The following SPAG16 variants were observed in gnomAD, a reference collection of about 807,000 sequenced individuals.
SPAG16 encodes sperm-associated antigen 16 protein.
A neutral mutation model predicts 80.4 loss-of-function variants in SPAG16; 86 were observed. The ratio of observed to expected loss-of-function variants is 1.07; its 90% CI spans 0.90 to 1.28. The LOEUF is 1.28. Ranked by LOEUF, SPAG16 falls within the 50% of genes most tolerant of loss-of-function variation. The probability of loss-of-function intolerance (pLI) is 0.00; values close to 1 mark genes in which losing one functional copy is unlikely to be tolerated. For synonymous variants in SPAG16, 294 were observed against 265.9 expected (o/e 1.11, Z -1.03); for missense variants, 870 against 765.3 (o/e 1.14, Z -1.61).
chr2:214,154,332 G>A (rs533242676), intron 15 of SPAG16, among the ~76,000 whole-genome samples: 134 of 152,234 alleles, frequency 8.8e-4, no homozygotes, highest in Non-Finnish European at 1.5e-3. Context: ...AAATGCAGAA[G>A]CTGAAGTTTG....
chr2:213,751,178 G>A (rs2068061565), intron 10 of SPAG16, among the ~76,000 whole-genome samples: 1 of 151,164 alleles, frequency 6.6e-6, no homozygotes, highest in Admixed American at 6.6e-5. Context: ...TATGGTAAAT[G>A]TTATAAATTT....
intron 10 of SPAG16, among the ~76,000 whole-genome samples, chr2:213,850,935 C>T (rs2105908182): frequency 6.6e-6 from 1 of 151,946 alleles, no homozygotes; most frequent in African/African-American, 2.4e-5. Flanking sequence ...TTTCAAGGAA[C>T]ATTCTTATTA....
At chr2:214,198,159 T>C (rs1471662805) in intron 15 of SPAG16, among the ~76,000 whole-genome samples, 3 of 152,000 alleles carry the variant, frequency 2.0e-5, no homozygotes, top group African/African-American at 4.8e-5. Context: ...AAGTTCTTCC[T>C]AGTGATGATT....
chr2:213,623,105 C>T (rs1262413086), intron 10 of SPAG16, among the ~76,000 whole-genome samples: 5 of 151,754 alleles, frequency 3.3e-5, no homozygotes, highest in African/African-American at 7.3e-5. Flanking sequence ...TCTTTGTATC[C>T]TCTGATTGAT....
At chr2:213,846,301 TATATATAATGTAGTATA>T (rs2074623078) in intron 10 of SPAG16, among the ~76,000 whole-genome samples, 1 of 151,988 alleles carries the variant, frequency 6.6e-6, no homozygotes, top group Non-Finnish European at 1.5e-5. Context: ...AAGTATAAAT[TATATATAATGTAGTATA>T]TTATATACAT....
At chr2:213,688,623 C>T (rs765006504) in intron 10 of SPAG16, among the ~76,000 whole-genome samples, 50 of 152,254 alleles carry the variant, frequency 3.3e-4, no homozygotes, top group Non-Finnish European at 6.2e-4. Context: ...CATGACTCCC[C>T]AGATCCCTTA....
At chr2:214,379,024 G>A (rs549688288) in intron 15 of SPAG16, among the ~76,000 whole-genome samples, 11 of 152,258 alleles carry the variant, frequency 7.2e-5, no homozygotes, top group African/African-American at 1.7e-4. Context: ...TCATACCACC[G>A]TCTGGCTTAC....
chr2:214,149,616 GAGA>G (rs2055876186), intron 15 of SPAG16, among the ~76,000 whole-genome samples: 2 of 151,974 alleles, frequency 1.3e-5, no homozygotes, highest in Non-Finnish European at 2.9e-5. Context: ...GCTAACAGTA[GAGA>G]AGAACAAAAG....
At chr2:214,331,431 G>A (rs935951242) in intron 15 of SPAG16, among the ~76,000 whole-genome samples, 6 of 152,124 alleles carry the variant, frequency 3.9e-5, no homozygotes, top group Non-Finnish European at 8.8e-5. Flanking sequence ...AACTCTTACT[G>A]TGTACCCAGT....
chr2:213,292,595 C>T (rs1463762760), intron 1 of SPAG16, among the ~76,000 whole-genome samples: 10 of 144,554 alleles, frequency 6.9e-5, no homozygotes, highest in East Asian at 6.0e-4. Context: ...ACCCGGGAGG[C>T]GGAGCTTGCA....
chr2:213,797,036 CA>C (rs2071084358), intron 10 of SPAG16, among the ~76,000 whole-genome samples: 2 of 111,918 alleles, frequency 1.8e-5, no homozygotes, highest in African/African-American at 2.8e-5. Context: ...AAGTTTTTAA[CA>C]AAAAAATTAA....
At chr2:213,635,239 G>GCTA (rs2062317047) in intron 10 of SPAG16, among the ~76,000 whole-genome samples, 2 of 151,904 alleles carry the variant, frequency 1.3e-5, no homozygotes, top group Non-Finnish European at 2.9e-5. Context: ...GTTTCACCAT[G>GCTA]CTAGCCAGGA....
intron 9 of SPAG16, among the ~76,000 whole-genome samples, chr2:213,482,998 C>T (rs2073825259): frequency 6.6e-6 from 1 of 151,940 alleles, no homozygotes; most frequent in Non-Finnish European, 1.5e-5. Flanking sequence ...AAGTAAAAAG[C>T]ATATGAAGTT....
At chr2:214,145,797 T>C (rs529006294) in intron 14 of SPAG16, among the ~76,000 whole-genome samples, 82 of 152,302 alleles carry the variant, frequency 5.4e-4, no homozygotes, top group African/African-American at 1.8e-3. Flanking sequence ...TTGAAACAAA[T>C]TATTTTAAAT....
intron 13 of SPAG16, among the ~76,000 whole-genome samples, chr2:214,034,487 G>A (rs2048580745): frequency 6.6e-6 from 1 of 152,188 alleles, no homozygotes; most frequent in South Asian, 2.1e-4. Flanking sequence ...GCAGGCTGCT[G>A]TTAGCTCACA....
chr2:213,838,970 AT>A (rs1281722736), intron 10 of SPAG16, among the ~76,000 whole-genome samples: 1 of 152,226 alleles, frequency 6.6e-6, no homozygotes, highest in African/African-American at 2.4e-5. Context: ...TATAAATTTT[AT>A]TTAACAGTCA....
intron 9 of SPAG16, among the ~76,000 whole-genome samples, chr2:213,438,386 G>C (rs2070756638): frequency 6.6e-6 from 1 of 152,192 alleles, no homozygotes; most frequent in African/African-American, 2.4e-5. Context: ...GTGAGGATGT[G>C]AGATTTATTT....
intron 13 of SPAG16, among the ~76,000 whole-genome samples, chr2:214,105,836 A>G (rs1287296893): frequency 1.3e-5 from 2 of 152,142 alleles, no homozygotes; most frequent in Non-Finnish European, 2.9e-5. Flanking sequence ...GAGGAGATTC[A>G]CTTTTATCTT....
intron 5 of SPAG16, among the ~76,000 whole-genome samples, chr2:213,331,006 G>T (rs967706054): frequency 3.9e-5 from 6 of 152,196 alleles, no homozygotes; most frequent in African/African-American, 1.4e-4. Flanking sequence ...ATGTGGAACT[G>T]TTAAGTCCAT....
Sources: allele counts gnomAD v4.1 joint callset (sites outside exome capture counted in the v4.1 genomes callset), GRCh38; gene constraint gnomAD v4.1.1; transcripts MANE v1.5; gene names NCBI Gene and HGNC (gene_info 2026-07-23, HGNC 2026-07-21).